The following TTC17 variants were observed in gnomAD, a reference collection of about 807,000 sequenced individuals.
The protein encoded by TTC17 is tetratricopeptide repeat protein 17.
TTC17 carries 58 observed loss-of-function variants against 143.8 expected under a neutral mutation model. The observed-to-expected ratio is 0.40, with a 90% CI of 0.33 to 0.50. The LOEUF (loss-of-function observed/expected upper bound fraction) is 0.50. Among genes scored for constraint, TTC17 ranks in the 20% least tolerant of loss-of-function variants. The probability of loss-of-function intolerance (pLI) is 0.49; values close to 1 mark genes in which losing one functional copy is unlikely to be tolerated. For missense variants in TTC17, 1,273 were observed against 1,392.5 expected, an observed-to-expected ratio of 0.91 and a Z score of 1.37; for synonymous variants, 501 against 497.8, an observed-to-expected ratio of 1.01 and a Z score of -0.09.
chr11:43,414,328 T>A (rs576024806), intron 15 of TTC17, among the ~76,000 whole-genome samples: 21 of 152,302 alleles, frequency 1.4e-4, no homozygotes, highest in African/African-American at 5.1e-4. Flanking sequence ...TTTTAGTATC[T>A]TGAGCAGTGT....
chr11:43,368,999 C>T (rs767219792), intron 1 of TTC17, among the ~76,000 whole-genome samples: 1 of 152,238 alleles, frequency 6.6e-6, no homozygotes, highest in Non-Finnish European at 1.5e-5. Context: ...ACGGCTCAGC[C>T]TCTCTCTCCT....
intron 2 of TTC17, among the ~76,000 whole-genome samples, chr11:43,385,320 A>G (rs765485296): frequency 2.2e-4 from 34 of 152,338 alleles, no homozygotes; most frequent in African/African-American, 6.3e-4. Flanking sequence ...CTGCCAGGAT[A>G]TAAAGGAAAT....
chr11:43,432,499 C>T (rs977039430), intron 16 of TTC17, among the ~76,000 whole-genome samples: 7 of 152,176 alleles, frequency 4.6e-5, no homozygotes, highest in African/African-American at 1.7e-4. Flanking sequence ...GCATTAAACA[C>T]AGAAAAGTGT....
intron 18 of TTC17, chr11:43,446,846 A>G: frequency 4.9e-6 from 1 of 203,760 alleles, no homozygotes; most frequent in Non-Finnish European, 8.7e-6. Flanking sequence ...GGTGGTACTT[A>G]CGAAGGATAT....
chr11:43,478,784 C>T (rs1590494337), intron 21 of TTC17, among the ~76,000 whole-genome samples: 1 of 152,166 alleles, frequency 6.6e-6, no homozygotes, highest in Middle Eastern at 3.4e-3. Context: ...ACGGACCATG[C>T]CAAGCTAATT....
chr11:43,418,702 A>G (rs1946833460), intron 16 of TTC17, among the ~76,000 whole-genome samples: 1 of 152,174 alleles, frequency 6.6e-6, no homozygotes, highest in Non-Finnish European at 1.5e-5. Flanking sequence ...ATGAAACTTT[A>G]TGGAACAGTA....
chr11:43,442,872 C>T (rs1947454829), intron 16 of TTC17, among the ~76,000 whole-genome samples: 1 of 152,106 alleles, frequency 6.6e-6, no homozygotes, highest in African/African-American at 2.4e-5. Flanking sequence ...TTCCATTAAA[C>T]AAATCATTTT....
chr11:43,419,050 C>T (rs2134638384), intron 16 of TTC17, among the ~76,000 whole-genome samples: 1 of 151,950 alleles, frequency 6.6e-6, no homozygotes, highest in South Asian at 2.1e-4. Context: ...AATTTTATGC[C>T]ACAAACAGCA....
At chr11:43,442,752 A>G (rs1486836387) in intron 16 of TTC17, among the ~76,000 whole-genome samples, 1 of 152,176 alleles carries the variant, frequency 6.6e-6, no homozygotes, top group Non-Finnish European at 1.5e-5. Flanking sequence ...TGAGCCACCT[A>G]AATAATATCT....
At chr11:43,411,967 A>G (rs1858432425) in intron 15 of TTC17, among the ~76,000 whole-genome samples, 1 of 152,226 alleles carries the variant, frequency 6.6e-6, no homozygotes, top group South Asian at 2.1e-4. Context: ...ACATAGGGAT[A>G]TATTGTACAG....
chr11:43,410,519 G>T (rs554449849), intron 15 of TTC17, among the ~76,000 whole-genome samples: 19 of 152,276 alleles, frequency 1.2e-4, no homozygotes, highest in African/African-American at 3.8e-4. Context: ...TTCATTTCAA[G>T]TTAAATTTTC....
rs1334906238 is a variant in TTC17 at position 43,474,256 on chromosome 11, CA to C, written c.3031-15981del. The stretch of plus-strand genomic sequence containing the variant: ...CAGTGGAATAAAATCTCCAGGATAT[CA>C]AGTGGAGGAGAAAAAGTGGAAAAAA... On this transcript the variant is annotated intron_variant, in intron 21 of 23. Transcript: ENST00000039989. Among the ~76,000 whole-genome samples the C allele has an allele frequency of 2.6e-5, 4 of 151,946 alleles. No homozygotes were observed. In the East Asian group the frequency reaches 7.7e-4, roughly 29 times the overall value.
intron 21 of TTC17, chr11:43,486,316 C>G: frequency 2.7e-6 from 1 of 367,308 alleles, no homozygotes; most frequent in Middle Eastern, 3.7e-4. Context: ...TGGGCTCAGT[C>G]CACACGGGAT....
chr11:43,456,634 C>A (rs1947769281), intron 21 of TTC17, among the ~76,000 whole-genome samples: 1 of 152,156 alleles, frequency 6.6e-6, no homozygotes, highest in African/African-American at 2.4e-5. Flanking sequence ...ACAGAAGAAC[C>A]TTTCCAAAGT....
intron 12 of TTC17, 64 bp from the exon 13 acceptor site, chr11:43,405,720 TAA>T: frequency 1.2e-6 from 2 of 1,611,934 alleles, no homozygotes; most frequent in South Asian, 1.1e-5. Context: ...CTTGAAAAGT[TAA>T]GTCTTTATCT....
intron 21 of TTC17, among the ~76,000 whole-genome samples, chr11:43,477,984 T>C (rs1235907808): frequency 6.6e-6 from 1 of 152,210 alleles, no homozygotes; most frequent in Non-Finnish European, 1.5e-5. Flanking sequence ...AGACAGTATG[T>C]GTGTATCATT....
chr11:43,402,870 A>G (rs1027295456), intron 10 of TTC17, among the ~76,000 whole-genome samples: 5 of 152,204 alleles, frequency 3.3e-5, no homozygotes, highest in Non-Finnish European at 4.4e-5. Flanking sequence ...AAGATAACTA[A>G]GAGATTAGGA....
intron 15 of TTC17, among the ~76,000 whole-genome samples, chr11:43,410,543 G>A (rs572764824): frequency 3.1e-4 from 47 of 152,290 alleles, no homozygotes; most frequent in African/African-American, 1.1e-3. Context: ...GTAGTGTGAG[G>A]TAGGGATCAA....
chr11:43,391,794 T>A, intron 4 of TTC17, 27 bp from the exon 5 acceptor site: 1 of 1,606,464 alleles, frequency 6.2e-7, no homozygotes, highest in Non-Finnish European at 8.5e-7. Context: ...CTTTGATATG[T>A]CTTTTGAATC....
Sources: gnomAD v4.1 joint callset for allele counts (sites outside exome capture counted in the v4.1 genomes callset) on GRCh38, gnomAD v4.1.1 for gene constraint, MANE v1.5 for transcripts, NCBI Gene and HGNC (gene_info 2026-07-23, HGNC 2026-07-21) for gene names.